The following SDK1 variants were observed in gnomAD, a reference collection of about 807,000 sequenced individuals.
The protein encoded by SDK1 is protein sidekick-1.
A neutral mutation model predicts 245.5 loss-of-function variants in SDK1; 157 were observed. The observed-to-expected ratio is 0.64, with a 90% CI of 0.56 to 0.73. The LOEUF is 0.73. Among genes scored for constraint, SDK1 ranks in the 30% least tolerant of loss-of-function variants. The pLI is 0.00. For missense variants in SDK1, 3,583 were observed against 3,002.3 expected, an observed-to-expected ratio of 1.19 and a Z score of -4.52; for synonymous variants, 1,647 against 1,278.5, an observed-to-expected ratio of 1.29 and a Z score of -6.15.
At chr7:4,041,545 C>T (rs147932770) in intron 17 of SDK1, among the ~76,000 whole-genome samples, 96 of 152,224 alleles carry the variant, frequency 6.3e-4, no homozygotes, top group Non-Finnish European at 1.0e-3. Context: ...ATGTATCCCC[C>T]GTTATAGCCT....
chr7:3,556,207 C>T (rs568799964), intron 1 of SDK1, among the ~76,000 whole-genome samples: 2 of 141,982 alleles, frequency 1.4e-5, no homozygotes, highest in African/African-American at 2.6e-5. Flanking sequence ...AAATGTGATA[C>T]ATATACACGA....
chr7:3,413,646 A>G lies in SDK1; in HGVS notation c.298+111762A>G, dbSNP rs1487951748. Among the ~76,000 whole-genome samples, 3 of 152,070 alleles carry G rather than the reference A, an allele frequency of 2.0e-5. No individual in the cohort carries two copies. The East Asian group carries it at 5.8e-4, about 29-fold the overall frequency. On this transcript the variant is annotated intron_variant, in intron 1 of 44. Coordinates refer to ENST00000404826, the MANE Select transcript of SDK1 (RefSeq NM_152744.4). Reference sequence around the variant, plus strand: ...GCGGTGGTTGCCTTGAGCTGAGATCACACCACTGCACTCCAGGGCAACAGA... The same window carrying G: ...GCGGTGGTTGCCTTGAGCTGAGATCGCACCACTGCACTCCAGGGCAACAGA...
chr7:4,193,207 T>TA, intron 35 of SDK1, among the ~76,000 whole-genome samples: 6 of 132,992 alleles, frequency 4.5e-5, no homozygotes, highest in African/African-American at 1.7e-4. Context: ...TATTTATATA[T>TA]TAATATATAT....
At chr7:4,000,158 G>T (rs1376812160) in intron 14 of SDK1, among the ~76,000 whole-genome samples, 2 of 152,196 alleles carry the variant, frequency 1.3e-5, no homozygotes, top group Non-Finnish European at 2.9e-5. Context: ...AGAGCCCCAG[G>T]CCTGGACGTG....
At chr7:4,139,539 A>ATATGTGTGTGTATATGTATATATGTGTG (rs1779365516) in intron 28 of SDK1, among the ~76,000 whole-genome samples, 2 of 50,874 alleles carry the variant, frequency 3.9e-5, no homozygotes, top group African/African-American at 6.1e-5. Flanking sequence ...GTGTGTGTAT[A>ATATGTGTGTGTATATGTATATATGTGTG]TATGTGTGTG....
At chr7:3,435,680 G>C (rs1237730880) in intron 1 of SDK1, among the ~76,000 whole-genome samples, 1 of 151,976 alleles carries the variant, frequency 6.6e-6, no homozygotes, top group East Asian at 1.9e-4. Flanking sequence ...TTTTAAAGAG[G>C]AAGTGAAGGG....
chr7:3,644,653 C>G (rs1267789938), intron 4 of SDK1, among the ~76,000 whole-genome samples: 1 of 149,992 alleles, frequency 6.7e-6, no homozygotes, highest in Non-Finnish European at 1.5e-5. Context: ...GTATTTCTAG[C>G]TATTTGCTAC....
chr7:3,568,814 C>T (rs1001709437), intron 1 of SDK1, among the ~76,000 whole-genome samples: 1 of 152,160 alleles, frequency 6.6e-6, no homozygotes, highest in African/African-American at 2.4e-5. Flanking sequence ...TCCCTTCAGG[C>T]ACCACACAAA....
At chr7:3,312,752 T>C (rs1779580469) in intron 1 of SDK1, among the ~76,000 whole-genome samples, 1 of 152,116 alleles carries the variant, frequency 6.6e-6, no homozygotes, top group Non-Finnish European at 1.5e-5. Context: ...AACTTTAGAA[T>C]GAGGAAGTCT....
At chr7:3,724,576 C>A (rs1235063517) in intron 4 of SDK1, among the ~76,000 whole-genome samples, 1 of 152,046 alleles carries the variant, frequency 6.6e-6, no homozygotes, top group African/African-American at 2.4e-5. Flanking sequence ...TGTACTAGGT[C>A]GACTATTAAC....
chr7:3,565,915 G>A (rs1373160425), intron 1 of SDK1, among the ~76,000 whole-genome samples: 1 of 152,146 alleles, frequency 6.6e-6, no homozygotes, highest in Non-Finnish European at 1.5e-5. Flanking sequence ...AGATGCAGAG[G>A]ATGAACTGTA....
chr7:4,000,788 G>A (rs147857236), intron 14 of SDK1, among the ~76,000 whole-genome samples: 420 of 152,266 alleles, frequency 2.8e-3, no homozygotes, highest in Non-Finnish European at 4.6e-3. Context: ...CGGACTTTTC[G>A]GGGAGCATTT....
At chr7:4,074,886 G>GTATATATATA (rs1240017364) in intron 20 of SDK1, among the ~76,000 whole-genome samples, 20 of 48,110 alleles carry the variant, frequency 4.2e-4, no homozygotes, top group South Asian at 9.8e-4. Context: ...CTCTCTCTCT[G>GTATATATATA]TATATATATA....
chr7:3,520,286 G>C (rs1782893309), intron 1 of SDK1, among the ~76,000 whole-genome samples: 1 of 152,164 alleles, frequency 6.6e-6, no homozygotes, highest in Non-Finnish European at 1.5e-5. Flanking sequence ...GATAAATTCT[G>C]TCCGGTTTCA....
At chr7:3,511,487 A>T (rs186738959) in intron 1 of SDK1, among the ~76,000 whole-genome samples, 125 of 152,276 alleles carry the variant, frequency 8.2e-4, no homozygotes, top group Non-Finnish European at 1.5e-3. Flanking sequence ...TTCCTGTTTA[A>T]TGAACATTTA....
intron 17 of SDK1, among the ~76,000 whole-genome samples, chr7:4,036,681 G>A (rs1788243467): frequency 1.3e-5 from 2 of 152,168 alleles, no homozygotes; most frequent in Non-Finnish European, 2.9e-5. Flanking sequence ...ATTAGATTGT[G>A]AGGGCTGGTT....
At chr7:3,543,966 A>T (rs1779131155) in intron 1 of SDK1, among the ~76,000 whole-genome samples, 1 of 152,330 alleles carries the variant, frequency 6.6e-6, no homozygotes, top group South Asian at 2.1e-4. Flanking sequence ...TTCTCTATGC[A>T]TAGATTATTA....
At chr7:3,820,837 A>G (rs13247177) in intron 4 of SDK1, among the ~76,000 whole-genome samples, 19,584 of 152,218 alleles carry the variant, frequency 0.13, 2,283 homozygotes, top group African/African-American at 0.31. Context: ...GTCACGATCA[A>G]GAAGACTGTT....
chr7:3,837,382 C>T (rs951397293), intron 5 of SDK1, among the ~76,000 whole-genome samples: 1 of 152,192 alleles, frequency 6.6e-6, no homozygotes. Context: ...GACCCCTTTC[C>T]CCAGTTTAAA....
Sources: allele counts gnomAD v4.1 joint callset (sites outside exome capture counted in the v4.1 genomes callset), GRCh38; gene constraint gnomAD v4.1.1; transcripts MANE v1.5; gene names NCBI Gene and HGNC (gene_info 2026-07-23, HGNC 2026-07-21).